CDK14: variants seen among roughly 807,000 people sequenced by gnomAD.
CDK14 encodes the protein cyclin dependent kinase 14, also known as cyclin-dependent kinase 14.
Under a neutral mutation model 60.7 loss-of-function variants are expected in CDK14, and 34 were observed. That is an observed-to-expected ratio of 0.56 (90% confidence interval 0.43 to 0.75). The LOEUF is 0.75. Ranked by LOEUF, CDK14 falls within the 30% of genes least tolerant of loss-of-function variation. The pLI, the probability that CDK14 is intolerant of heterozygous loss-of-function variation, is 0.00. For missense variants in CDK14, 482 were observed against 564.1 expected (o/e 0.85, Z 1.47); for synonymous variants, 197 against 203.7 (o/e 0.97, Z 0.28).
At chr7:91,048,540 G>A (rs893494119) in intron 11 of CDK14, among the ~76,000 whole-genome samples, 4 of 152,312 alleles carry the variant, frequency 2.6e-5, no homozygotes, top group African/African-American at 9.6e-5. Flanking sequence ...TAAGGATAAA[G>A]AGCCAACAAG....
intron 8 of CDK14, among the ~76,000 whole-genome samples, chr7:90,924,535 GACTCC>G (rs1465516781): frequency 3.9e-5 from 6 of 152,170 alleles, no homozygotes; most frequent in Admixed American, 2.0e-4. Flanking sequence ...GCCCAAACCA[GACTCC>G]ACTACTATAT....
chr7:90,971,198 A>G (rs1254682420), intron 9 of CDK14, among the ~76,000 whole-genome samples: 1 of 148,204 alleles, frequency 6.7e-6, no homozygotes, highest in Non-Finnish European at 1.5e-5. Flanking sequence ...TTGAACACCT[A>G]TTTTGTACAA....
At chr7:90,975,133 C>A (rs1795031650) in intron 9 of CDK14, among the ~76,000 whole-genome samples, 1 of 152,108 alleles carries the variant, frequency 6.6e-6, no homozygotes, top group Non-Finnish European at 1.5e-5. Flanking sequence ...GACCTTCCCA[C>A]AGAAGTAGCC....
intron 11 of CDK14, among the ~76,000 whole-genome samples, chr7:91,074,773 G>T (rs1040194148): frequency 2.8e-4 from 43 of 151,640 alleles, no homozygotes; most frequent in Non-Finnish European, 1.5e-5. Context: ...AAAGAGAGAA[G>T]AATCAAATAG....
At chr7:90,865,032 G>C (rs966169107) in intron 6 of CDK14, among the ~76,000 whole-genome samples, 1 of 152,080 alleles carries the variant, frequency 6.6e-6, no homozygotes, top group Non-Finnish European at 1.5e-5. Flanking sequence ...CCCTGCCTCT[G>C]CTTCTATTGA....
chr7:90,958,193 C>G (rs1160656869), intron 9 of CDK14, among the ~76,000 whole-genome samples: 1 of 152,062 alleles, frequency 6.6e-6, no homozygotes, highest in Non-Finnish European at 1.5e-5. Context: ...AATCAAGTTT[C>G]TCATGATCTA....
At chr7:90,847,340 T>C (rs748104821) in intron 5 of CDK14, among the ~76,000 whole-genome samples, 18 of 152,196 alleles carry the variant, frequency 1.2e-4, no homozygotes, top group Admixed American at 2.6e-4. Context: ...AATAAGTACC[T>C]GCCTTAGAAG....
intron 6 of CDK14, among the ~76,000 whole-genome samples, chr7:90,888,890 A>T (rs1299638097): frequency 2.0e-5 from 3 of 152,212 alleles, no homozygotes; most frequent in African/African-American, 7.2e-5. Context: ...CTCCATGAAC[A>T]TTTGTTATAT....
chr7:90,947,008 C>T (rs151255658), intron 8 of CDK14, among the ~76,000 whole-genome samples: 42 of 152,310 alleles, frequency 2.8e-4, no homozygotes, highest in Admixed American at 5.9e-4. Context: ...AAGAGTTGTT[C>T]TCATTTCAGC....
chr7:90,682,052 A>G (rs566538500), intron 2 of CDK14, among the ~76,000 whole-genome samples: 3 of 152,256 alleles, frequency 2.0e-5, no homozygotes, highest in Admixed American at 1.3e-4. Flanking sequence ...GTGGAGTATT[A>G]TTTTACATCC....
intron 10 of CDK14, among the ~76,000 whole-genome samples, chr7:91,032,885 A>T (rs1796803375): frequency 6.6e-6 from 1 of 152,256 alleles, no homozygotes; most frequent in Admixed American, 6.5e-5. Flanking sequence ...TGAGGATGTC[A>T]AGCTTTTGAA....
chr7:91,176,148 A>C (rs1310833627), intron 14 of CDK14, among the ~76,000 whole-genome samples: 1 of 151,760 alleles, frequency 6.6e-6, no homozygotes, highest in African/African-American at 2.4e-5. Context: ...ACTCAGGATT[A>C]AGAATCTCAC....
At chr7:91,141,971 G>A (rs183030839) in intron 14 of CDK14, among the ~76,000 whole-genome samples, 2 of 152,008 alleles carry the variant, frequency 1.3e-5, no homozygotes, top group East Asian at 1.9e-4. Flanking sequence ...GACTACAGGC[G>A]TCCACCGTCA....
At chr7:91,149,005 G>T (rs1361383584) in intron 14 of CDK14, among the ~76,000 whole-genome samples, 2 of 152,156 alleles carry the variant, frequency 1.3e-5, no homozygotes, top group Non-Finnish European at 2.9e-5. Flanking sequence ...TGGACCAGTA[G>T]TCCTGGCTTA....
At chr7:91,109,535 G>C (rs1799414586) in intron 12 of CDK14, among the ~76,000 whole-genome samples, 2 of 152,046 alleles carry the variant, frequency 1.3e-5, no homozygotes, top group South Asian at 4.2e-4. Flanking sequence ...AAGAAGACAG[G>C]TAAAGAGAAA....
At chr7:90,923,304 T>C (rs560734968) in intron 8 of CDK14, among the ~76,000 whole-genome samples, 1 of 152,030 alleles carries the variant, frequency 6.6e-6, no homozygotes, top group East Asian at 1.9e-4. Context: ...AGAGACAGGG[T>C]TTCACCGTGT....
chr7:91,061,041 C>G (rs1013939669), intron 11 of CDK14, among the ~76,000 whole-genome samples: 9 of 152,208 alleles, frequency 5.9e-5, no homozygotes, highest in African/African-American at 1.4e-4. Flanking sequence ...GTACACCAGT[C>G]AGATGTACAT....
chr7:90,637,287 C>T (rs1202023722), intron 2 of CDK14, among the ~76,000 whole-genome samples: 1 of 151,506 alleles, frequency 6.6e-6, no homozygotes, highest in Non-Finnish European at 1.5e-5. Flanking sequence ...TATAAATTTC[C>T]CTCTACACAC....
At chr7:90,608,575 G>A in intron 2 of CDK14, 3 of 983,466 alleles carry the variant, frequency 3.1e-6, no homozygotes, top group Non-Finnish European at 3.6e-6. Flanking sequence ...CTGGCTCTTT[G>A]GTGAGAAATA....
Sources: allele counts gnomAD v4.1 joint callset (sites outside exome capture counted in the v4.1 genomes callset), GRCh38; gene constraint gnomAD v4.1.1; transcripts MANE v1.5; gene names NCBI Gene and HGNC (gene_info 2026-07-23, HGNC 2026-07-21).